The following SH2B1 variants were observed in gnomAD, a reference collection of about 807,000 sequenced individuals.
SH2B1 encodes the protein SH2B adapter protein 1.
Under a neutral mutation model 62.6 loss-of-function variants are expected in SH2B1, and 15 were observed. The ratio of observed to expected loss-of-function variants is 0.24; its 90% CI spans 0.16 to 0.37. SH2B1 has a LOEUF of 0.37. Ranked by LOEUF, SH2B1 falls within the 10% of genes least tolerant of loss-of-function variation. The probability of loss-of-function intolerance (pLI) is 1.00; values close to 1 mark genes in which losing one functional copy is unlikely to be tolerated. For missense variants in SH2B1, 925 were observed against 1,015.6 expected, an observed-to-expected ratio of 0.91 and a Z score of 1.21; for synonymous variants, 443 against 438.0, an observed-to-expected ratio of 1.01 and a Z score of -0.14.
chr16:28,868,926 G>C (rs1473309509), intron 2 of SH2B1, 80 bp from the exon 3 acceptor site: 1 of 1,055,688 alleles, frequency 9.5e-7, no homozygotes, highest in Non-Finnish European at 1.5e-6. Flanking sequence ...TAGACAGCCT[G>C]CATACATTGT....
intron 1 of SH2B1, among the ~76,000 whole-genome samples, chr16:28,852,221 C>CATATATATTTACATATATATATTTACAT (rs1555509754): frequency 2.5e-5 from 1 of 39,428 alleles, no homozygotes; most frequent in Non-Finnish European, 3.8e-5. Context: ...TATATATTTA[C>CATATATATTTACATATATATATTTACAT]ATATATATTT....
At chr16:28,859,880 C>T (rs1224022093), upstream of SH2B1, among the ~76,000 whole-genome samples, 7 of 76,832 alleles carry the variant, frequency 9.1e-5, no homozygotes, top group Non-Finnish European at 2.3e-4. Context: ...CCCCCCCCCC[C>T]GGCTGTTTTC....
intron 1 of SH2B1, among the ~76,000 whole-genome samples, chr16:28,858,470 C>T (rs910123330): frequency 3.9e-5 from 6 of 152,048 alleles, no homozygotes; most frequent in Non-Finnish European, 7.4e-5. Context: ...AAGCCAAGAT[C>T]GCGCCACTGC....
At chr16:28,856,110 C>A (rs117567111) in intron 1 of SH2B1, among the ~76,000 whole-genome samples, 174 of 134,746 alleles carry the variant, frequency 1.3e-3, no homozygotes, top group African/African-American at 1.7e-3. Context: ...ACTAAAAATA[C>A]AAAAAAAAAA....
chr16:28,866,933 G>C lies in SH2B1; in HGVS notation c.839G>C (p.Gly280Ala), dbSNP rs772063932. The C allele has an allele frequency of 1.9e-6, 3 of 1,610,550 alleles. No homozygotes were observed. The highest frequency in any genetic ancestry group is 2.2e-5 in the South Asian group (2 of 91,064). The change falls in exon 1 of 8, where the codon GGG becomes GCG. Residue 280 changes from glycine (G) to alanine (A), a missense_variant. Physicochemically the swap from Gly to Ala is moderately conservative, Grantham distance 60 (BLOSUM62 0). Around this residue, in one of 3 missense-constraint regions of SH2B1, gnomAD observed 683 missense variants for 704.0 expected, o/e 0.97. Coordinates refer to ENST00000684370, the MANE Select transcript of SH2B1 (RefSeq NM_001387430.1). This position sits in a 1 kb window ranked among gnomAD's most constrained non-coding sequence, Gnocchi z 6.3. Reference protein sequence around the residue: ...RGGGVAGPPSGGGGQPQWQKC... With the variant: ...RGGGVAGPPSAGGGQPQWQKC... ...GGAGGGGTGGCTGGGCCTCCTTCAG[G>C]GGGAGGAGGGCAGCCTCAGTGGCAG...
chr16:28,852,158 G>A (rs1226735780), intron 1 of SH2B1, among the ~76,000 whole-genome samples: 2 of 144,798 alleles, frequency 1.4e-5, no homozygotes, highest in East Asian at 4.0e-4. Flanking sequence ...AATAAACTAT[G>A]AGCAAGACTC....
upstream of SH2B1, chr16:28,862,973 T>G (rs893356111): frequency 4.0e-5 from 5 of 125,496 alleles, no homozygotes; most frequent in Non-Finnish European, 8.4e-5. Context: ...TTCTGTTGCC[T>G]GGGCTGGAGT....
chr16:28,862,777 G>C (rs185343605), upstream of SH2B1: 39 of 146,148 alleles, frequency 2.7e-4, no homozygotes, highest in African/African-American at 8.9e-4. Flanking sequence ...CACCACGCCC[G>C]GCTAAATTTT....
Position 28,869,315 on chromosome 16 carries a change from A to C in SH2B1, c.1241A>C (p.His414Pro), listed in dbSNP as rs1596628074. ...TDSLELSCLN[H>P]SESLPSQDLL... ...AGCCTGGAGCTGTCCTGCCTGAATC[A>C]CTCGGAGAGTCTACCCAGCCAGGAC... is the stretch of plus-strand genomic sequence containing the variant. The change falls in exon 4 of 8, where the codon CAC (histidine) becomes CCC (proline). Residue 414 changes from histidine (H) to proline (P), a missense_variant. By Grantham distance (77) the His-to-Pro change is moderately conservative. This residue lies in a region of SH2B1 where 683 missense variants were observed against 704.0 expected (regional missense o/e 0.97). Transcript: ENST00000684370. The C allele has an allele frequency of 6.2e-7, 1 of 1,613,872 alleles. No homozygotes were observed. Among genetic ancestry groups the C allele is most frequent in the South Asian group, 1.1e-5 (1 of 91,068 alleles).
chr16:28,852,766 ATATT>A (rs1174555252), intron 1 of SH2B1, among the ~76,000 whole-genome samples: 12 of 72,984 alleles, frequency 1.6e-4, no homozygotes, highest in African/African-American at 6.4e-4. Context: ...ATGTATATAT[ATATT>A]TATATATATA....
chr16:28,846,628 G>T (rs1961976260), upstream of SH2B1: 5 of 340,418 alleles, frequency 1.5e-5, no homozygotes, highest in African/African-American at 6.3e-5. Context: ...AGGTCGGCGG[G>T]CTGTGGAGGT....
intron 1 of SH2B1, among the ~76,000 whole-genome samples, chr16:28,852,984 T>TTATATATCTACATA (rs372420298): frequency 3.9e-5 from 1 of 25,740 alleles, no homozygotes; most frequent in African/African-American, 1.4e-4. Context: ...CATATATATT[T>TTATATATCTACATA]TATATGTACA....
rs1963197980 is a variant in SH2B1 at position 28,874,080 on chromosome 16, C to G, written c.*260C>G. 1 of 379,174 alleles carries G rather than the reference C, an allele frequency of 2.6e-6. No individual in the cohort carries two copies. Among genetic ancestry groups the G allele is most frequent in the Middle Eastern group, 6.7e-4 (1 of 1,500 alleles). The allele number at this position is 379,174 out of a possible 1,614,324, so 23.5% of individuals were successfully genotyped here. On this transcript the variant is annotated 3_prime_UTR_variant, in exon 8 of 8. Transcript: ENST00000684370. The stretch of plus-strand genomic sequence containing the variant: ...CAGCCCCACCCTGGGGGCCATTTCC[C>G]CATTAACTACCCCCAGCCCGAGGCA...
chr16:28,866,122 G>A lies in SH2B1; in HGVS notation c.28G>A (p.Gly10Arg), dbSNP rs775528324. Residue 10 changes from glycine to arginine, a missense_variant, in exon 1 of 8, where the codon GGG (glycine) becomes AGG (arginine). Coordinates refer to ENST00000684370, the MANE Select transcript of SH2B1 (RefSeq NM_001387430.1). The surrounding 1 kb of genome is among the most constrained non-coding windows in gnomAD (Gnocchi z 6.3). ...GAATGGTGCCCCTTCCCCAGAGGAC[G>A]GGGCCTCCCCCTCGTCTCCCCCGCT... MNGAPSPEDGASPSSPPLPP... is the reference protein window; with the variant it reads MNGAPSPEDRASPSSPPLPP... 1.0e-5 allele frequency: 16 copies of A among 1,587,080 alleles called. No homozygotes were observed. In the South Asian group the frequency reaches 1.0e-4, roughly 10 times the overall value.
rs1962163266 is a variant in SH2B1 at position 28,852,558 on chromosome 16, T to TTATATATATACACATATA, written c.-301+5735_-301+5752dup. Among the ~76,000 whole-genome samples the TTATATATATACACATATA allele has an allele frequency of 1.2e-4, 2 of 17,262 alleles. 1 individual carries two copies. The highest frequency in any genetic ancestry group is 1.5e-4 in the Non-Finnish European group (2 of 13,058). The allele number at this position is 17,262 out of a possible 152,430, so 11.3% of individuals were successfully genotyped here. On this transcript the variant is annotated intron_variant, in intron 1 of 10. Coordinates refer to the SH2B1 transcript ENST00000322610. Reference sequence around the variant, plus strand: ...CATATATTTATATATATACACATATTTATATATATACACATATATATTTAT... The same window carrying TTATATATATACACATATA: ...CATATATTTATATATATACACATATTTATATATATACACATATATATATATATACACATATATATTTAT...
rs1567458666 is a variant in SH2B1, at chr16:28,852,487, T to TATAC, written c.-301+5661_-301+5662insTACA. 1.0e-3 allele frequency among the ~76,000 whole-genome samples: 40 copies of TATAC among 39,410 alleles called. 16 individuals carry two copies. Among genetic ancestry groups the TATAC allele is most frequent in the African/African-American group, 5.0e-3 (38 of 7,614 alleles). 25.9% of individuals were successfully genotyped at this position (39,410 alleles called of 152,430 possible). Reference sequence around the variant, plus strand: ...ATATATATACATATATATTTATATATACATACATATATTTATATATATACA... The same window carrying TATAC: ...ATATATATACATATATATTTATATATATACACATACATATATTTATATATATACA... On this transcript the variant is annotated intron_variant, in intron 1 of 10. Coordinates refer to the SH2B1 transcript ENST00000322610.
chr16:28,863,536 C>G, upstream of SH2B1: 1 of 762,318 alleles, frequency 1.3e-6, no homozygotes, highest in South Asian at 1.9e-5. Flanking sequence ...AGCCCTCAGC[C>G]GGGCCCTGGG....
At chr16:28,863,381 C>A, upstream of SH2B1, 1 of 348,722 alleles carries the variant, frequency 2.9e-6, no homozygotes. Flanking sequence ...AGGGCCTCCC[C>A]AAGGTCACCC....
rs1042915866 is a variant in SH2B1 at position 28,865,617 on chromosome 16, A to G, written c.-478A>G. 1.0e-6 allele frequency: 1 copy of G among 987,086 alleles called. No individual in the cohort carries two copies. Among genetic ancestry groups the G allele is most frequent in the African/African-American group, 1.7e-5 (1 of 57,320 alleles). 61.1% of individuals were successfully genotyped at this position (987,086 alleles called of 1,614,324 possible). A position where few individuals can be genotyped will look rare whatever the true frequency, so the allele number is the denominator to read the frequency against. On this transcript the variant is annotated 5_prime_UTR_variant, in exon 1 of 8. Coordinates refer to ENST00000684370, the MANE Select transcript of SH2B1 (RefSeq NM_001387430.1). The stretch of plus-strand genomic sequence containing the variant: ...GTTCGAGAGGTCTTTGAAACCTCTC[A>G]GGGAAAGGTAAGATAACCAAGTGGG...
Sources: gnomAD v4.1 joint callset for allele counts (sites outside exome capture counted in the v4.1 genomes callset) on GRCh38, gnomAD v4.1.1 for gene constraint, gnomAD v4.1.1 regional missense constraint, Gnocchi (gnomAD v3.1) non-coding constraint, MANE v1.5 for transcripts, NCBI Gene and HGNC (gene_info 2026-07-23, HGNC 2026-07-21) for gene names.